The following PDE11A variants were observed in gnomAD, a reference collection of about 807,000 sequenced individuals.
PDE11A encodes phosphodiesterase 11A.
In PDE11A, 100 loss-of-function variants were observed where a neutral mutation model predicts 100.5. The ratio of observed to expected loss-of-function variants is 1.00; its 90% CI spans 0.85 to 1.18. PDE11A has a LOEUF of 1.18. Ranked by LOEUF, PDE11A falls within the 50% of genes most tolerant of loss-of-function variation. PDE11A has a pLI of 0.00. For synonymous variants in PDE11A, 381 were observed against 420.8 expected (o/e 0.91, Z 1.16); for missense variants, 1,141 against 1,152.6 (o/e 0.99, Z 0.15).
At chr2:178,091,812 T>C (rs1291981506) in intron 2 of PDE11A, among the ~76,000 whole-genome samples, 1 of 152,146 alleles carries the variant, frequency 6.6e-6, no homozygotes, top group East Asian at 1.9e-4. Context: ...TGATGAAGGT[T>C]TTAGGGTTTT....
At chr2:178,075,639 G>T (rs887196267), upstream of PDE11A, among the ~76,000 whole-genome samples, 2 of 151,576 alleles carry the variant, frequency 1.3e-5, no homozygotes, top group African/African-American at 4.9e-5. Flanking sequence ...ATAATAGCTG[G>T]AACTTATTCT....
chr2:177,730,125 G>A (rs373265667), intron 10 of PDE11A, among the ~76,000 whole-genome samples: 11 of 152,108 alleles, frequency 7.2e-5, no homozygotes, highest in African/African-American at 2.7e-4. Context: ...TGTGCACAAC[G>A]TGCAGGTTTG....
At chr2:177,716,988 T>C (rs1285928067) in intron 12 of PDE11A, among the ~76,000 whole-genome samples, 2 of 152,150 alleles carry the variant, frequency 1.3e-5, no homozygotes, top group Admixed American at 1.3e-4. Context: ...AGCATCTTGG[T>C]CTTAAACTAC....
intron 2 of PDE11A, among the ~76,000 whole-genome samples, chr2:177,932,062 G>C (rs1240647582): frequency 6.6e-6 from 1 of 152,026 alleles, no homozygotes; most frequent in Non-Finnish European, 1.5e-5. Context: ...AGAAAATCTA[G>C]AGGAAATGAA....
intron 1 of PDE11A, among the ~76,000 whole-genome samples, chr2:178,068,328 T>A (rs946004855): frequency 1.3e-5 from 2 of 152,042 alleles, no homozygotes; most frequent in Non-Finnish European, 2.9e-5. Context: ...TGAAATAAAC[T>A]GAGGGGTTTT....
intron 9 of PDE11A, among the ~76,000 whole-genome samples, chr2:177,787,782 C>A (rs181405621): frequency 4.6e-5 from 7 of 151,916 alleles, no homozygotes; most frequent in Non-Finnish European, 8.8e-5. Flanking sequence ...AGATCAAAAG[C>A]GACAAAGAAG....
chr2:178,037,944 C>T (rs752955927), intron 1 of PDE11A, among the ~76,000 whole-genome samples: 7 of 151,806 alleles, frequency 4.6e-5, no homozygotes, highest in African/African-American at 9.7e-5. Flanking sequence ...AGCTAGATGA[C>T]GGGTTGATAG....
intron 2 of PDE11A, among the ~76,000 whole-genome samples, chr2:177,930,627 G>A (rs2085192698): frequency 6.6e-6 from 1 of 152,244 alleles, no homozygotes; most frequent in South Asian, 2.1e-4. Context: ...ATTCACAGAA[G>A]AGTAGAAAGG....
intron 2 of PDE11A, among the ~76,000 whole-genome samples, chr2:178,005,152 G>C (rs1471239343): frequency 6.6e-6 from 1 of 151,362 alleles, no homozygotes; most frequent in African/African-American, 2.4e-5. Flanking sequence ...AACACCTGGA[G>C]TAAAGGGGAA....
intron 5 of PDE11A, among the ~76,000 whole-genome samples, chr2:177,867,227 G>A (rs2084045236): frequency 6.6e-6 from 1 of 152,178 alleles, no homozygotes; most frequent in Non-Finnish European, 1.5e-5. Flanking sequence ...AAGACATTTA[G>A]TAACATTCTT....
chr2:178,080,879 A>G (rs2087276564), intron 2 of PDE11A, among the ~76,000 whole-genome samples: 1 of 152,154 alleles, frequency 6.6e-6, no homozygotes, highest in Non-Finnish European at 1.5e-5. Flanking sequence ...GATAAATGAC[A>G]GACTAGAGCA....
chr2:177,722,575 A>T (rs1231191111), intron 12 of PDE11A, among the ~76,000 whole-genome samples: 1 of 152,194 alleles, frequency 6.6e-6, no homozygotes, highest in Non-Finnish European at 1.5e-5. Context: ...ATGCAGTCAG[A>T]GAGAAGAAAA....
At chr2:177,791,370 C>T (rs2082629432) in intron 9 of PDE11A, among the ~76,000 whole-genome samples, 1 of 124,630 alleles carries the variant, frequency 8.0e-6, no homozygotes. Context: ...GGGAACATCA[C>T]ACTCTGGGGA....
At chr2:177,751,845 A>AATG in intron 10 of PDE11A, among the ~76,000 whole-genome samples, 1 of 152,358 alleles carries the variant, frequency 6.6e-6, no homozygotes, top group East Asian at 1.9e-4. Context: ...GCTAGGATAC[A>AATG]TACAGGTTTT....
chr2:177,884,822 A>T (rs556580634), intron 4 of PDE11A, among the ~76,000 whole-genome samples: 1 of 152,320 alleles, frequency 6.6e-6, no homozygotes, highest in East Asian at 1.9e-4. Context: ...AGGTGGTAGA[A>T]AGAGTGAGAA....
intron 2 of PDE11A, among the ~76,000 whole-genome samples, chr2:177,942,836 A>G (rs2085360961): frequency 6.6e-6 from 1 of 152,202 alleles, no homozygotes; most frequent in Admixed American, 6.5e-5. Flanking sequence ...TATCTCTTGC[A>G]AAACTGAAAC....
At chr2:177,806,744 T>G (rs1167629376) in intron 9 of PDE11A, among the ~76,000 whole-genome samples, 1 of 152,026 alleles carries the variant, frequency 6.6e-6, no homozygotes, top group South Asian at 2.1e-4. Context: ...AAATAACAAT[T>G]ATAAAGAATT....
intron 1 of PDE11A, among the ~76,000 whole-genome samples, chr2:178,063,800 G>A (rs978510760): frequency 6.6e-6 from 1 of 152,184 alleles, no homozygotes; most frequent in Non-Finnish European, 1.5e-5. Context: ...AGCTAGCCCT[G>A]GGAGGGGCAT....
At chr2:178,039,692 A>T (rs1201106764) in intron 1 of PDE11A, among the ~76,000 whole-genome samples, 3 of 151,906 alleles carry the variant, frequency 2.0e-5, no homozygotes, top group African/African-American at 7.2e-5. Context: ...AATAAAATAA[A>T]ATAACTAGAA....
Sources: allele counts gnomAD v4.1 joint callset (sites outside exome capture counted in the v4.1 genomes callset), GRCh38; gene constraint gnomAD v4.1.1; transcripts MANE v1.5; gene names NCBI Gene and HGNC (gene_info 2026-07-23, HGNC 2026-07-21).